Variants in PHF24 observed in about 807,000 individuals in gnomAD.
The protein encoded by PHF24 is Galpha inhibitory interacting protein.
A neutral mutation model predicts 42.6 loss-of-function variants in PHF24; 25 were observed. The ratio of observed to expected loss-of-function variants is 0.59; its 90% confidence interval spans 0.43 to 0.82. The LOEUF (loss-of-function observed/expected upper bound fraction) is 0.82. Ranked by LOEUF, PHF24 falls within the 40% of genes least tolerant of loss-of-function variation. The pLI, the probability that PHF24 is intolerant of heterozygous loss-of-function variation, is 0.00. For synonymous variants in PHF24, 185 were observed against 204.8 expected (o/e 0.90, Z 0.83); for missense variants, 470 against 538.1 (o/e 0.87, Z 1.25).
At chr9:34,765,666 T>C in the PHF24 span, among the ~76,000 whole-genome samples, 1 of 150,140 alleles carries the variant, frequency 6.7e-6, no homozygotes, top group Admixed American at 6.6e-5. Context: ...TTTGCCAGTC[T>C]GTGTCTTTTA....
At chr9:34,935,737 G>T in the PHF24 span, among the ~76,000 whole-genome samples, 103,896 of 142,276 alleles carry the variant, frequency 0.73, 36,097 homozygotes, top group East Asian at 0.82. Flanking sequence ...TTTGTGTGTG[G>T]GGGGGGGGTG....
the PHF24 span, among the ~76,000 whole-genome samples, chr9:34,780,871 T>G: frequency 6.6e-6 from 1 of 152,176 alleles, no homozygotes; most frequent in Non-Finnish European, 1.5e-5. Flanking sequence ...AACATCATCA[T>G]TAGTCATTAG....
chr9:34,975,207 C>T (rs1827144547), intron 3 of PHF24, among the ~76,000 whole-genome samples: 1 of 152,134 alleles, frequency 6.6e-6, no homozygotes, highest in African/African-American at 2.4e-5. Flanking sequence ...ATAGTAGGCC[C>T]CCTCCTTCCC....
the PHF24 span, among the ~76,000 whole-genome samples, chr9:34,719,473 C>T: frequency 6.6e-6 from 1 of 152,204 alleles, no homozygotes; most frequent in Admixed American, 6.5e-5. Context: ...CTGCCATCAG[C>T]ATCCTGCATG....
the PHF24 span, among the ~76,000 whole-genome samples, chr9:34,921,308 T>A: frequency 6.6e-6 from 1 of 152,018 alleles, no homozygotes; most frequent in Non-Finnish European, 1.5e-5. Context: ...CATCTCAAGT[T>A]ATTTCCGTGT....
At chr9:34,809,003 A>G in the PHF24 span, among the ~76,000 whole-genome samples, 1 of 151,470 alleles carries the variant, frequency 6.6e-6, no homozygotes, top group Non-Finnish European at 1.5e-5. The surrounding 1 kb of genome is among the most constrained non-coding windows in gnomAD (Gnocchi z 4.1). Flanking sequence ...TAACCTGCAC[A>G]TTGTGCCCAT....
At chr9:34,812,883 T>G in the PHF24 span, among the ~76,000 whole-genome samples, 2 of 152,366 alleles carry the variant, frequency 1.3e-5, no homozygotes, top group South Asian at 2.1e-4. Flanking sequence ...AACCCACTGA[T>G]TTTTAGTGTT....
chr9:34,873,360 C>A, the PHF24 span, among the ~76,000 whole-genome samples: 24 of 152,046 alleles, frequency 1.6e-4, no homozygotes, highest in African/African-American at 5.6e-4. Flanking sequence ...AGTCTTTAAT[C>A]CATCTTGAAT....
the PHF24 span, among the ~76,000 whole-genome samples, chr9:34,799,727 C>G: frequency 6.6e-6 from 1 of 152,038 alleles, no homozygotes; most frequent in South Asian, 2.1e-4. Flanking sequence ...TGAAATTGCC[C>G]TTTTATGGAC....
chr9:34,811,272 T>G, the PHF24 span, among the ~76,000 whole-genome samples: 27 of 152,232 alleles, frequency 1.8e-4, 1 homozygote, highest in Admixed American at 9.2e-4. Context: ...TAAGAGCTAC[T>G]ATGGTTTGAA....
chr9:34,775,532 G>A, the PHF24 span, among the ~76,000 whole-genome samples: 1 of 152,008 alleles, frequency 6.6e-6, no homozygotes, highest in South Asian at 2.1e-4. Flanking sequence ...TGATTAAAAT[G>A]GCAAATTTTA....
At chr9:34,834,135 C>A in the PHF24 span, 1 of 1,527,182 alleles carries the variant, frequency 6.5e-7, no homozygotes, top group Admixed American at 2.0e-5. Flanking sequence ...GTCTGCAGTA[C>A]CAGGAACTGG....
chr9:34,728,745 T>A, the PHF24 span: 12 of 1,174,698 alleles, frequency 1.0e-5, no homozygotes, highest in African/African-American at 1.5e-5. Context: ...CATTTTTCAC[T>A]CGCTTTGTAT....
chr9:34,815,472 G>A, the PHF24 span, among the ~76,000 whole-genome samples: 4 of 152,088 alleles, frequency 2.6e-5, no homozygotes, highest in Admixed American at 6.5e-5. Context: ...ACAGGCGCCC[G>A]CCACCACGCC....
chr9:34,870,379 T>C, the PHF24 span, among the ~76,000 whole-genome samples: 2 of 152,050 alleles, frequency 1.3e-5, no homozygotes, highest in Non-Finnish European at 2.9e-5. Context: ...GTAGAATAGT[T>C]TCACTGCCCA....
the PHF24 span, among the ~76,000 whole-genome samples, chr9:34,695,153 T>TC: frequency 6.6e-6 from 1 of 152,086 alleles, no homozygotes; most frequent in Non-Finnish European, 1.5e-5. Flanking sequence ...TCCCACCCAC[T>TC]CCCCACCTCT....
chr9:34,822,196 G>T, the PHF24 span, among the ~76,000 whole-genome samples: 7 of 151,994 alleles, frequency 4.6e-5, no homozygotes, highest in Non-Finnish European at 1.0e-4. Context: ...TAAGAAAAGA[G>T]ATCTTACATT....
the PHF24 span, among the ~76,000 whole-genome samples, chr9:34,936,877 C>T: frequency 3.8e-3 from 549 of 145,686 alleles, no homozygotes; most frequent in African/African-American, 0.015. Context: ...GCCCGGCAGC[C>T]GCCCCGTCTG....
the PHF24 span, chr9:34,833,866 C>G: frequency 6.4e-7 from 1 of 1,551,084 alleles, no homozygotes; most frequent in South Asian, 1.2e-5. Flanking sequence ...TAGGCTCCAT[C>G]TCTGTGATGA....
Sources: gnomAD v4.1 joint callset for allele counts (sites outside exome capture counted in the v4.1 genomes callset) on GRCh38, gnomAD v4.1.1 for gene constraint, Gnocchi (gnomAD v3.1) non-coding constraint, MANE v1.5 for transcripts, NCBI Gene and HGNC (gene_info 2026-07-23, HGNC 2026-07-21) for gene names.